GPHN: variants seen among roughly 807,000 people sequenced by gnomAD.
GPHN encodes gephyrin.
A neutral mutation model predicts 95.5 loss-of-function variants in GPHN; 17 were observed. The observed-to-expected ratio is 0.18, with a 90% CI of 0.12 to 0.27. The LOEUF is 0.27. Ranked by LOEUF, GPHN falls within the 10% of genes least tolerant of loss-of-function variation. GPHN has a pLI of 1.00. For synonymous variants in GPHN, 320 were observed against 322.5 expected, an observed-to-expected ratio of 0.99 and a Z score of 0.08; for missense variants, 660 against 978.1, an observed-to-expected ratio of 0.67 and a Z score of 4.34.
At chr14:66,760,844 C>T (rs376728182) in intron 2 of GPHN, 6 of 594,618 alleles carry the variant, frequency 1.0e-5, no homozygotes, top group Non-Finnish European at 3.1e-6. Context: ...AAATGCCAAG[C>T]GAAATTTATA....
At chr14:66,760,441 A>T (rs1447817339) in intron 2 of GPHN, 1 of 171,160 alleles carries the variant, frequency 5.8e-6, no homozygotes, top group African/African-American at 2.4e-5. Flanking sequence ...TCAAATTGTC[A>T]TATAATCTAT....
At chr14:66,523,500 T>C (rs1017928540) in intron 1 of GPHN, among the ~76,000 whole-genome samples, 6 of 152,132 alleles carry the variant, frequency 3.9e-5, no homozygotes, top group African/African-American at 1.2e-4. Flanking sequence ...AAATAAGACA[T>C]AATACCTTTG....
At chr14:67,255,821 G>A in the GPHN span, among the ~76,000 whole-genome samples, 1 of 152,314 alleles carries the variant, frequency 6.6e-6, no homozygotes, top group African/African-American at 2.4e-5. Flanking sequence ...CCTAGTAGCT[G>A]GGATTGCAGG....
intron 1 of GPHN, among the ~76,000 whole-genome samples, chr14:66,516,389 A>G (rs2058249239): frequency 6.6e-6 from 1 of 152,116 alleles, no homozygotes; most frequent in Non-Finnish European, 1.5e-5. Flanking sequence ...CATAACGTAT[A>G]TGCTTTTCAG....
intron 1 of GPHN, among the ~76,000 whole-genome samples, chr14:66,552,007 T>C (rs1035113869): frequency 9.9e-5 from 15 of 152,182 alleles, no homozygotes; most frequent in Non-Finnish European, 1.2e-4. Flanking sequence ...ACCTTTATCT[T>C]TGAAACCTTG....
At chr14:67,337,733 C>T in the GPHN span, 2 of 152,166 alleles carry the variant, frequency 1.3e-5, no homozygotes, top group African/African-American at 2.4e-5. Context: ...CTGATGTGGC[C>T]ACTCAAATGC....
At chr14:67,373,842 AGTGT>A in the GPHN span, among the ~76,000 whole-genome samples, 19,992 of 145,714 alleles carry the variant, frequency 0.14, 2,391 homozygotes, top group East Asian at 0.4. Context: ...TAATTTGTTC[AGTGT>A]GTGTGTGTGT....
the GPHN span, chr14:67,292,787 G>A: frequency 8.5e-7 from 1 of 1,180,960 alleles, no homozygotes. Flanking sequence ...CAGGATTATT[G>A]GAAAATACTA....
At chr14:67,153,437 C>A (rs1187695791) in intron 18 of GPHN, among the ~76,000 whole-genome samples, 1 of 152,192 alleles carries the variant, frequency 6.6e-6, no homozygotes, top group Non-Finnish European at 1.5e-5. Context: ...CCTCACATGG[C>A]AGAAAGAGAG....
the GPHN span, among the ~76,000 whole-genome samples, chr14:67,303,084 A>G: frequency 6.6e-6 from 1 of 152,244 alleles, no homozygotes; most frequent in East Asian, 1.9e-4. Flanking sequence ...CACTAGCTGC[A>G]TTTCAAGTGC....
the GPHN span, among the ~76,000 whole-genome samples, chr14:67,288,531 T>C: frequency 6.6e-6 from 1 of 152,232 alleles, no homozygotes; most frequent in Admixed American, 6.5e-5. Context: ...AATTAAACAG[T>C]AATTTAATTG....
At chr14:67,162,423 C>G (rs1032120790) in intron 19 of GPHN, among the ~76,000 whole-genome samples, 7 of 152,106 alleles carry the variant, frequency 4.6e-5, no homozygotes, top group Non-Finnish European at 1.0e-4. Flanking sequence ...AATATTAGAA[C>G]AAAAGAAATA....
At chr14:67,097,578 C>T (rs2077464680) in intron 12 of GPHN, among the ~76,000 whole-genome samples, 1 of 152,056 alleles carries the variant, frequency 6.6e-6, no homozygotes, top group South Asian at 2.1e-4. Flanking sequence ...CACACACACA[C>T]CCCTACTTAG....
intron 8 of GPHN, among the ~76,000 whole-genome samples, chr14:66,950,956 C>T (rs183536442): frequency 8.6e-4 from 131 of 152,142 alleles, no homozygotes; most frequent in Middle Eastern, 3.4e-3. Context: ...CGGAGTTTCA[C>T]TCTTGTTGCC....
chr14:67,667,490 T>C, the GPHN span, among the ~76,000 whole-genome samples: 2 of 152,160 alleles, frequency 1.3e-5, no homozygotes, highest in African/African-American at 4.8e-5. Context: ...ACTACTGACC[T>C]TGTAAGGGTT....
At chr14:66,960,838 T>A (rs947897477) in intron 8 of GPHN, among the ~76,000 whole-genome samples, 5 of 152,118 alleles carry the variant, frequency 3.3e-5, no homozygotes, top group African/African-American at 1.2e-4. Context: ...AAAGGATACA[T>A]GGGAGCTTTT....
chr14:67,143,360 A>G lies in GPHN; in HGVS notation c.1749-2A>G. 1 of 1,595,488 alleles carries G rather than the reference A, an allele frequency of 6.3e-7. No homozygotes were observed. Among genetic ancestry groups the G allele is most frequent in the East Asian group, 2.2e-5 (1 of 44,798 alleles). On this transcript the variant is annotated splice_acceptor_variant, in intron 17 of 22. Coordinates refer to ENST00000478722, the MANE Select transcript of GPHN (RefSeq NM_020806.5). LOFTEE classifies it high-confidence loss of function. ...AATTTCTTTGTCTTTATTTTTTTCCAGCCCAGATGACTTACTCAATGCCTT... is the reference window on the plus strand; with the variant it reads ...AATTTCTTTGTCTTTATTTTTTTCCGGCCCAGATGACTTACTCAATGCCTT...
chr14:66,550,561 G>T (rs1247644115), intron 1 of GPHN, among the ~76,000 whole-genome samples: 1 of 152,228 alleles, frequency 6.6e-6, no homozygotes, highest in East Asian at 1.9e-4. Context: ...CAGTAGCAGG[G>T]TTTGAGAGGA....
At chr14:67,228,213 G>C in the GPHN span, 1 of 155,476 alleles carries the variant, frequency 6.4e-6, no homozygotes, top group African/African-American at 2.4e-5. Flanking sequence ...TGTTTTAATG[G>C]CTGGATTAAA....
Sources: allele counts gnomAD v4.1 joint callset (sites outside exome capture counted in the v4.1 genomes callset), GRCh38; gene constraint gnomAD v4.1.1; transcripts MANE v1.5; gene names NCBI Gene and HGNC (gene_info 2026-07-23, HGNC 2026-07-21).